FMN1: variants seen among roughly 807,000 people sequenced by gnomAD.
FMN1 encodes formin-1.
A neutral mutation model predicts 132.4 loss-of-function variants in FMN1; 110 were observed. That is an observed-to-expected ratio of 0.83 (90% CI 0.71 to 0.97). The LOEUF is 0.97. FMN1 is among the 50% of genes least tolerant of loss of function. FMN1 has a pLI of 0.00. For missense variants in FMN1, 1,792 were observed against 1,705.3 expected, an observed-to-expected ratio of 1.05 and a Z score of -0.90; for synonymous variants, 722 against 651.7, an observed-to-expected ratio of 1.11 and a Z score of -1.64.
At chr15:33,075,047 A>AAT (rs1434371815) in intron 5 of FMN1, among the ~76,000 whole-genome samples, 2 of 137,666 alleles carry the variant, frequency 1.5e-5, no homozygotes, top group African/African-American at 2.7e-5. Context: ...AAAAAAAAAA[A>AAT]GAACAGACCT....
At chr15:32,907,097 G>A (rs1245534427) in intron 12 of FMN1, among the ~76,000 whole-genome samples, 1 of 152,190 alleles carries the variant, frequency 6.6e-6, no homozygotes, top group Admixed American at 6.5e-5. Flanking sequence ...GACCGGTTTC[G>A]AGGAAGACAA....
chr15:32,983,481 TAG>T (rs2032841960), intron 7 of FMN1, among the ~76,000 whole-genome samples: 1 of 152,166 alleles, frequency 6.6e-6, no homozygotes, highest in South Asian at 2.1e-4. Flanking sequence ...ATGGTACACT[TAG>T]AACAGCAATT....
intron 4 of FMN1, among the ~76,000 whole-genome samples, chr15:33,110,786 CTCTG>C (rs948303948): frequency 7.8e-6 from 1 of 128,030 alleles, no homozygotes; most frequent in African/African-American, 2.5e-5. Flanking sequence ...TAGCCATTTT[CTCTG>C]TTATTAAAAC....
chr15:32,803,589 T>C (rs2057555814), intron 18 of FMN1, among the ~76,000 whole-genome samples: 1 of 152,138 alleles, frequency 6.6e-6, no homozygotes, highest in Non-Finnish European at 1.5e-5. Flanking sequence ...TATGGGCATA[T>C]GGACAGCCCC....
At position 32,901,999 on chromosome 15, in the gene FMN1, C is replaced by T. The variant is rs367950025; in HGVS notation, c.3419G>A (p.Arg1140His). Residue 1140 changes from arginine (R) to histidine (H), a missense_variant, in exon 13 of 21, where the codon CGT (arginine) becomes CAT (histidine). Physicochemically the swap from Arg to His is conservative, Grantham distance 29. Around this residue, in one of 3 missense-constraint regions of FMN1, gnomAD observed 1,150 missense variants for 1,043.1 expected, o/e 1.10. Transcript: ENST00000616417. Reference sequence around the variant, plus strand: ...AGATCTGAAGATTATGCACTGGGCACGTTCAGCAAAATTAGGAATCTGGGC... The same window carrying T: ...AGATCTGAAGATTATGCACTGGGCATGTTCAGCAAAATTAGGAATCTGGGC... ...ELAQIPNFAE[R>H]AQCIIFRSVF... 6.2e-6 allele frequency: 10 copies of T among 1,612,848 alleles called. No homozygotes were observed. In the South Asian group the frequency reaches 6.6e-5, roughly 11 times the overall value.
chr15:33,128,819 AACAAAGCCT>A (rs1433045038), intron 4 of FMN1, among the ~76,000 whole-genome samples: 1 of 152,228 alleles, frequency 6.6e-6, no homozygotes, highest in Non-Finnish European at 1.5e-5. Flanking sequence ...CGAGCAAAAT[AACAAAGCCT>A]CCGCAATGCG....
chr15:32,798,404 T>C (rs1274956640), intron 19 of FMN1, among the ~76,000 whole-genome samples: 4 of 152,204 alleles, frequency 2.6e-5, no homozygotes, highest in Non-Finnish European at 5.9e-5. Flanking sequence ...GAGATTTTCC[T>C]TTGATGCAAG....
chr15:32,858,392 C>T (rs1361312227), intron 16 of FMN1, among the ~76,000 whole-genome samples: 2 of 152,136 alleles, frequency 1.3e-5, no homozygotes, highest in African/African-American at 4.8e-5. Context: ...CTGGGGACTA[C>T]AAAACGGTGC....
At chr15:32,927,204 G>T (rs1053514186) in intron 9 of FMN1, among the ~76,000 whole-genome samples, 1 of 151,698 alleles carries the variant, frequency 6.6e-6, no homozygotes, top group South Asian at 2.1e-4. Flanking sequence ...CTTCCTATTT[G>T]TTATTATTAA....
At chr15:32,986,880 CG>C (rs1167538902) in intron 7 of FMN1, among the ~76,000 whole-genome samples, 3 of 152,074 alleles carry the variant, frequency 2.0e-5, no homozygotes, top group Non-Finnish European at 4.4e-5. Flanking sequence ...ATAAGAATTA[CG>C]TATTTCAGGT....
intron 7 of FMN1, among the ~76,000 whole-genome samples, chr15:32,995,077 TACTC>T (rs1451382343): frequency 2.6e-5 from 4 of 152,022 alleles, no homozygotes; most frequent in Admixed American, 2.6e-4. Flanking sequence ...AATTGTAAAA[TACTC>T]AGCCTATCAC....
chr15:32,963,043 C>T lies in FMN1; in HGVS notation c.3138+1064G>A, dbSNP rs1317964847. Among the ~76,000 whole-genome samples, 60 of 143,748 alleles carry T rather than the reference C, an allele frequency of 4.2e-4. No individual in the cohort carries two copies. The South Asian group carries it at 6.1e-3, about 15-fold the overall frequency. 94.3% of individuals were successfully genotyped at this position (143,748 alleles called of 152,430 possible). ...ATGCTGCTATAAAGACACATGCACA[C>T]GTATGTTTATTGTGGCATTATTCAC... On this transcript the variant is annotated intron_variant, in intron 9 of 20. Transcript: ENST00000616417.
At chr15:32,813,954 T>G (rs1258798) in intron 17 of FMN1, among the ~76,000 whole-genome samples, 2 of 152,188 alleles carry the variant, frequency 1.3e-5, no homozygotes, top group African/African-American at 4.8e-5. Flanking sequence ...GGTGGTATTT[T>G]GAAGCTGCAC....
chr15:32,818,047 A>G (rs1157902777), intron 17 of FMN1, among the ~76,000 whole-genome samples: 1 of 152,236 alleles, frequency 6.6e-6, no homozygotes, highest in African/African-American at 2.4e-5. Context: ...AAGAAAATAA[A>G]AGCAGTGCAT....
intron 6 of FMN1, among the ~76,000 whole-genome samples, chr15:33,052,474 G>C (rs35573301): frequency 0.026 from 3,936 of 152,286 alleles, 75 homozygotes; most frequent in Middle Eastern, 0.048. Flanking sequence ...TCACCTGTCT[G>C]ATGTCTTTTT....
chr15:32,817,741 T>C (rs2058096278), intron 17 of FMN1, among the ~76,000 whole-genome samples: 1 of 152,212 alleles, frequency 6.6e-6, no homozygotes, highest in East Asian at 1.9e-4. Context: ...GTGACCACAC[T>C]GCTTCTAAGT....
At chr15:33,126,099 A>C (rs1424112089) in intron 4 of FMN1, among the ~76,000 whole-genome samples, 1 of 152,142 alleles carries the variant, frequency 6.6e-6, no homozygotes, top group African/African-American at 2.4e-5. Context: ...CACTGTGTAA[A>C]TGTTACGCTT....
chr15:32,956,123 C>G (rs1245374799), intron 9 of FMN1, among the ~76,000 whole-genome samples: 1 of 152,088 alleles, frequency 6.6e-6, no homozygotes, highest in East Asian at 1.9e-4. Flanking sequence ...GGTTCCTGTT[C>G]TGGGGGTTCT....
chr15:33,016,250 C>T (rs1005416504), intron 6 of FMN1, among the ~76,000 whole-genome samples: 2 of 152,120 alleles, frequency 1.3e-5, no homozygotes, highest in Non-Finnish European at 2.9e-5. Flanking sequence ...CAAACTCATC[C>T]GTGAGTGAAT....
Sources: allele counts gnomAD v4.1 joint callset (sites outside exome capture counted in the v4.1 genomes callset), GRCh38; gene constraint gnomAD v4.1.1; regional missense constraint gnomAD v4.1.1; transcripts MANE v1.5; gene names NCBI Gene and HGNC (gene_info 2026-07-23, HGNC 2026-07-21).